The following KLHL26 variants were observed in gnomAD, a reference collection of about 807,000 sequenced individuals.
The protein encoded by KLHL26 is kelch like family member 26.
KLHL26 carries 4 observed loss-of-function variants against 7.1 expected under a neutral mutation model. The ratio of observed to expected loss-of-function variants is 0.56; its 90% CI spans 0.28 to 1.28. KLHL26 has a LOEUF of 1.28. Ranked by LOEUF, KLHL26 falls within the 50% of genes most tolerant of loss-of-function variation. The pLI is 0.11. For missense variants in KLHL26, 896 were observed against 924.6 expected (o/e 0.97, Z 0.40); for synonymous variants, 465 against 414.1 (o/e 1.12, Z -1.49).
chr19:18,642,781 TC>T (rs1367807684), intron 1 of KLHL26, among the ~76,000 whole-genome samples: 4 of 151,990 alleles, frequency 2.6e-5, no homozygotes, highest in African/African-American at 9.7e-5. Flanking sequence ...GCTCAAGCTA[TC>T]CTTCTGCTTC....
In KLHL26 at chr19:18,656,566, G is replaced by T. The variant is rs1302616997; in HGVS notation, c.84-7695G>T. Among the ~76,000 whole-genome samples the T allele has an allele frequency of 6.6e-6, 1 of 152,160 alleles. No individual in the cohort carries two copies. The highest frequency in any genetic ancestry group is 1.5e-5 in the Non-Finnish European group (1 of 68,016). ...GCCAAGGACAGACAGGCAGGGAATG[G>T]CTCCAGATCAGGAGGCTGGGAGGAA... On this transcript the variant is annotated intron_variant, in intron 1 of 2. Coordinates refer to ENST00000300976, the MANE Select transcript of KLHL26 (RefSeq NM_018316.3). The surrounding 1 kb of genome is among the most constrained non-coding windows in gnomAD (Gnocchi z 4.4).
chr19:18,643,399 C>A (rs1210925447), intron 1 of KLHL26, among the ~76,000 whole-genome samples: 1 of 150,392 alleles, frequency 6.6e-6, no homozygotes, highest in African/African-American at 2.4e-5. Context: ...GAGCTGAGAT[C>A]GCTCCACTGC....
At chr19:18,642,823 C>T (rs1288802731) in intron 1 of KLHL26, among the ~76,000 whole-genome samples, 1 of 151,348 alleles carries the variant, frequency 6.6e-6, no homozygotes, top group Non-Finnish European at 1.5e-5. Flanking sequence ...CTACAGGCAT[C>T]TACTAACACA....
intron 1 of KLHL26, among the ~76,000 whole-genome samples, chr19:18,640,434 A>C (rs1976692832): frequency 6.6e-6 from 1 of 151,820 alleles, no homozygotes; most frequent in South Asian, 2.1e-4. Flanking sequence ...GTTGAGACAA[A>C]GTCTTGCCAT....
In KLHL26 at chr19:18,670,177, G is replaced by C. The variant is rs546537042; in HGVS notation, c.*932G>C. ...CCACTCCCTGGCCTGCCCTGTTTTT[G>C]GGTCAACATTGCTACGGAGCCAGCA... On this transcript the variant is annotated 3_prime_UTR_variant, in exon 3 of 3. Transcript: ENST00000300976. The C allele has an allele frequency of 4.6e-5, 7 of 152,370 alleles. No homozygotes were observed. The highest frequency in any genetic ancestry group is 9.6e-5 in the African/African-American group (4 of 41,548). 9.4% of individuals were successfully genotyped at this position (152,370 alleles called of 1,614,324 possible).
chr19:18,667,745 C>T lies in KLHL26; in HGVS notation c.348C>T (p.His116=). 1 of 1,613,256 alleles carries T rather than the reference C, an allele frequency of 6.2e-7. No individual in the cohort carries two copies. The highest frequency in any genetic ancestry group is 8.5e-7 in the Non-Finnish European group (1 of 1,180,012). ...GCGTGTCGGCCCGTGGCCTGCGGCA[C>T]ATCATCGACTTCGCCTACAGCGCCG... is the stretch of plus-strand genomic sequence containing the variant. ...LKGVSARGLR[H]IIDFAYSAEV... The change falls in exon 3 of 3, where the codon CAC becomes CAT. Residue 116 remains histidine (H), a synonymous_variant. Coordinates refer to ENST00000300976, the MANE Select transcript of KLHL26 (RefSeq NM_018316.3).
intron 1 of KLHL26, among the ~76,000 whole-genome samples, chr19:18,651,891 C>A (rs564229473): frequency 9.2e-5 from 14 of 152,298 alleles, no homozygotes; most frequent in African/African-American, 3.4e-4. Context: ...TGCAGTGGGA[C>A]CAAGTCGGGG....
intron 1 of KLHL26, among the ~76,000 whole-genome samples, chr19:18,642,150 T>C (rs1283417878): frequency 1.3e-5 from 2 of 152,170 alleles, no homozygotes; most frequent in Non-Finnish European, 2.9e-5. Flanking sequence ...TTTGTAGCAT[T>C]GTTCGTCTGT....
intron 2 of KLHL26, 54 bp downstream of exon 2, chr19:18,664,497 C>A: frequency 1.4e-6 from 2 of 1,435,810 alleles, no homozygotes; most frequent in Non-Finnish European, 9.3e-7. Context: ...GGGACAGGGA[C>A]AGGGCAGATG....
Position 18,669,380 on chromosome 19 carries a change from C to T in KLHL26, c.*135C>T, listed in dbSNP as rs539571839. The T allele has an allele frequency of 3.0e-6, 2 of 665,180 alleles. No individual in the cohort carries two copies. Among genetic ancestry groups the T allele is most frequent in the East Asian group, 5.3e-5 (2 of 37,520 alleles). The allele number at this position is 665,180 out of a possible 1,614,324, so 41.2% of individuals were successfully genotyped here. A position where few individuals can be genotyped will look rare whatever the true frequency, so the allele number is the denominator to read the frequency against. On this transcript the variant is annotated 3_prime_UTR_variant, in exon 3 of 3. Transcript: ENST00000300976. The stretch of plus-strand genomic sequence containing the variant: ...TTGAGGGGCCTGCTGCGTTGATAAG[C>T]CCCCCTCCCAGGGGTCCCTCCCTCC...
chr19:18,667,899 A>G lies in KLHL26; in HGVS notation c.502A>G (p.Ile168Val). The G allele has an allele frequency of 6.2e-7, 1 of 1,612,452 alleles. No individual in the cohort carries two copies. The change falls in exon 3 of 3, where the codon ATC (isoleucine) becomes GTC (valine). Residue 168 changes from isoleucine to valine, a missense_variant. Coordinates refer to ENST00000300976, the MANE Select transcript of KLHL26 (RefSeq NM_018316.3). ...CATGAGCGTGGAGACCTGCCTCAAC[A>G]TCGGCCAGATGGCCACCACCTTCAG... is the stretch of plus-strand genomic sequence containing the variant. The part of the protein sequence containing the change: ...AAMSVETCLN[I>V]GQMATTFSLA...
At position 18,669,165 on chromosome 19, in the gene KLHL26, C is replaced by T. The variant is rs771857298; in HGVS notation, c.1768C>T (p.Arg590Trp). The T allele has an allele frequency of 3.7e-6, 6 of 1,612,828 alleles. No individual in the cohort carries two copies. The highest frequency in any genetic ancestry group is 3.3e-5 in the South Asian group (3 of 91,090). The change falls in exon 3 of 3, where the codon CGG becomes TGG. Residue 590 changes from arginine (R) to tryptophan (W), a missense_variant. Transcript: ENST00000300976. ...CAACACGGACACCGACGAGTGGGAG[C>T]GGGACCTGCACTTCCCGGAGTCCTT... ...VYNTDTDEWE[R>W]DLHFPESFAG... is the part of the protein sequence containing the mutation.
chr19:18,652,055 G>A (rs72997346), intron 1 of KLHL26, among the ~76,000 whole-genome samples: 14,771 of 152,292 alleles, frequency 0.097, 911 homozygotes, highest in Non-Finnish European at 0.14. Flanking sequence ...TGGGGTGGAG[G>A]CAGCAGAGGT....
chr19:18,640,159 T>G (rs1383579288), intron 1 of KLHL26, among the ~76,000 whole-genome samples: 2 of 152,014 alleles, frequency 1.3e-5, no homozygotes, highest in Non-Finnish European at 2.9e-5. Context: ...GATATGTGTC[T>G]CTGTGTGGAC....
At chr19:18,637,625 G>C (rs61248595) in intron 1 of KLHL26, among the ~76,000 whole-genome samples, 19,298 of 150,218 alleles carry the variant, frequency 0.13, 1,271 homozygotes, top group Non-Finnish European at 0.15. Context: ...AGGGGCGCTG[G>C]AAGGAGTAGA....
intron 1 of KLHL26, among the ~76,000 whole-genome samples, chr19:18,655,260 T>G (rs747917909): frequency 6.6e-6 from 1 of 152,216 alleles, no homozygotes; most frequent in East Asian, 1.9e-4. Flanking sequence ...CCTGTCTTGC[T>G]CTTCCTGCTG....
intron 1 of KLHL26, chr19:18,659,768 G>A (rs2052373545): frequency 6.6e-6 from 1 of 152,228 alleles, no homozygotes; most frequent in South Asian, 2.1e-4. Context: ...CCGGAGGAGG[G>A]GCGCCTGCCC....
chr19:18,643,265 T>C lies in KLHL26; in HGVS notation c.83+6128T>C, dbSNP rs1457466452. Among the ~76,000 whole-genome samples the C allele has an allele frequency of 1.1e-4, 16 of 148,474 alleles. No homozygotes were observed. The East Asian group carries it at 3.7e-3, about 34-fold the overall frequency. ...TTTGAGACCAGCCTAGCCAACATGG[T>C]GAAACCGCTTCTCTACTAAAAATAC... On this transcript the variant is annotated intron_variant, in intron 1 of 2. Coordinates refer to ENST00000300976, the MANE Select transcript of KLHL26 (RefSeq NM_018316.3).
intron 1 of KLHL26, among the ~76,000 whole-genome samples, chr19:18,655,873 C>A (rs1323178157): frequency 6.6e-6 from 1 of 152,138 alleles, no homozygotes; most frequent in Non-Finnish European, 1.5e-5. Flanking sequence ...GCAGTCAGAG[C>A]CCCACACATC....
Sources: gnomAD v4.1 joint callset for allele counts (sites outside exome capture counted in the v4.1 genomes callset) on GRCh38, gnomAD v4.1.1 for gene constraint, Gnocchi (gnomAD v3.1) non-coding constraint, MANE v1.5 for transcripts, NCBI Gene and HGNC (gene_info 2026-07-23, HGNC 2026-07-21) for gene names.